The following GABBR2 variants were observed in gnomAD, a reference collection of about 807,000 sequenced individuals.
The protein encoded by GABBR2 is G-protein coupled receptor 51.
GABBR2 carries 23 observed loss-of-function variants against 105.6 expected under a neutral mutation model. The observed-to-expected ratio is 0.22, with a 90% CI of 0.16 to 0.31. GABBR2 has a LOEUF of 0.31. Ranked by LOEUF, GABBR2 falls within the 10% of genes least tolerant of loss-of-function variation. The pLI, the probability that GABBR2 is intolerant of heterozygous loss-of-function variation, is 1.00. For missense variants in GABBR2, 734 were observed against 1,245.5 expected (o/e 0.59, Z 6.18); for synonymous variants, 478 against 499.7 (o/e 0.96, Z 0.58).
chr9:98,441,800 A>C (rs1826035868), intron 7 of GABBR2, among the ~76,000 whole-genome samples: 1 of 152,256 alleles, frequency 6.6e-6, no homozygotes, highest in Admixed American at 6.5e-5. Flanking sequence ...AATGACTAAA[A>C]CAGTAAACAT....
At chr9:98,351,025 A>G (rs76459686) in intron 13 of GABBR2, among the ~76,000 whole-genome samples, 4,408 of 152,156 alleles carry the variant, frequency 0.029, 203 homozygotes, top group African/African-American at 0.1. Context: ...GACTTAAAGT[A>G]TATTTTGTTT....
intron 1 of GABBR2, chr9:98,608,058 G>C (rs1829454940): frequency 7.6e-7 from 1 of 1,307,404 alleles, no homozygotes; most frequent in Admixed American, 1.8e-5. Flanking sequence ...AAACTGGGAA[G>C]CTCAACAACG....
chr9:98,308,301 G>A (rs1830583113), intron 14 of GABBR2, among the ~76,000 whole-genome samples: 1 of 152,104 alleles, frequency 6.6e-6, no homozygotes, highest in Non-Finnish European at 1.5e-5. Flanking sequence ...AGTGTCAGGA[G>A]GAAACACAAA....
intron 9 of GABBR2, among the ~76,000 whole-genome samples, chr9:98,393,922 G>T (rs907294318): frequency 6.6e-6 from 1 of 152,206 alleles, no homozygotes; most frequent in Non-Finnish European, 1.5e-5. Flanking sequence ...CATTTAAAAA[G>T]AATTACTCCT....
chr9:98,310,710 G>C (rs907903740), intron 14 of GABBR2, among the ~76,000 whole-genome samples: 2 of 152,128 alleles, frequency 1.3e-5, no homozygotes, highest in African/African-American at 4.8e-5. Flanking sequence ...CTTAAGAGAG[G>C]GTCCGCTGAA....
At chr9:98,611,568 C>T (rs1471173599) in intron 1 of GABBR2, among the ~76,000 whole-genome samples, 1 of 152,228 alleles carries the variant, frequency 6.6e-6, no homozygotes, top group Non-Finnish European at 1.5e-5. Context: ...AGGCTAGCTG[C>T]TGACCCATAA....
intron 6 of GABBR2, among the ~76,000 whole-genome samples, chr9:98,466,140 C>G (rs952456055): frequency 6.6e-6 from 1 of 152,206 alleles, no homozygotes; most frequent in African/African-American, 2.4e-5. Context: ...GCTTCCTGTA[C>G]AGCCTGTGGA....
At chr9:98,359,233 G>C (rs901287870) in intron 13 of GABBR2, among the ~76,000 whole-genome samples, 1 of 151,982 alleles carries the variant, frequency 6.6e-6, no homozygotes, top group East Asian at 1.9e-4. Context: ...TTTGAGACCA[G>C]CCTGGACAAC....
At chr9:98,319,553 G>A (rs1830783488) in intron 13 of GABBR2, among the ~76,000 whole-genome samples, 1 of 151,794 alleles carries the variant, frequency 6.6e-6, no homozygotes, top group Non-Finnish European at 1.5e-5. Context: ...CTTTGGGGAT[G>A]CAGAGAGCAA....
chr9:98,697,742 A>G (rs1442535316), intron 1 of GABBR2, among the ~76,000 whole-genome samples: 1 of 152,228 alleles, frequency 6.6e-6, no homozygotes, highest in Admixed American at 6.5e-5. Flanking sequence ...CCCAGAGTCC[A>G]GGAAGGACCT....
At chr9:98,590,557 C>T (rs900927824) in intron 1 of GABBR2, among the ~76,000 whole-genome samples, 2 of 152,252 alleles carry the variant, frequency 1.3e-5, no homozygotes. Flanking sequence ...GTCAGGGTCA[C>T]AAACACAAAG....
chr9:98,660,541 G>C (rs1257800002), intron 1 of GABBR2, among the ~76,000 whole-genome samples: 1 of 152,198 alleles, frequency 6.6e-6, no homozygotes, highest in Non-Finnish European at 1.5e-5. Context: ...TTCCTACGGA[G>C]TCTGAGTTAG....
At chr9:98,573,639 C>T (rs1421782075) in intron 2 of GABBR2, among the ~76,000 whole-genome samples, 2 of 152,076 alleles carry the variant, frequency 1.3e-5, no homozygotes, top group Non-Finnish European at 2.9e-5. Context: ...TAAAATTTAC[C>T]ATCTTTACCA....
At chr9:98,389,076 T>C in intron 9 of GABBR2, 72 bp from the exon 10 acceptor site, 1 of 1,329,202 alleles carries the variant, frequency 7.5e-7, no homozygotes. Flanking sequence ...TGCCTTAGTG[T>C]CCCTGACATC....
Position 98,708,687 on chromosome 9 carries a change from TGGCGGCGGC to T in GABBR2, c.42_50del (p.Pro18_Pro20del), listed in dbSNP as rs751111546. 5.6e-6 allele frequency: 6 copies of T among 1,066,018 alleles called. No homozygotes were observed. The highest frequency in any genetic ancestry group is 3.4e-5 in the African/African-American group (2 of 58,188). 66.0% of individuals were successfully genotyped at this position (1,066,018 alleles called of 1,614,324 possible). ...GCAGTAGCAGGCGCGCGGGCGGCGG[TGGCGGCGGC>T]GGCGGCGGCCCGGGCTGCCCGGAGC... On this transcript the variant is annotated inframe_deletion, in exon 1 of 19. Transcript: ENST00000259455.
At chr9:98,357,682 A>AC (rs1831511396) in intron 13 of GABBR2, among the ~76,000 whole-genome samples, 1 of 48,878 alleles carries the variant, frequency 2.0e-5, no homozygotes. Flanking sequence ...AAACAACAAC[A>AC]AAAAAAAAAA....
At chr9:98,315,593 G>A (rs899805231) in intron 13 of GABBR2, among the ~76,000 whole-genome samples, 1 of 152,234 alleles carries the variant, frequency 6.6e-6, no homozygotes, top group African/African-American at 2.4e-5. Context: ...GCAGTGGTCT[G>A]TGCAGCCACA....
intron 7 of GABBR2, among the ~76,000 whole-genome samples, chr9:98,419,539 C>G (rs766484600): frequency 3.9e-5 from 6 of 152,156 alleles, no homozygotes; most frequent in Non-Finnish European, 7.3e-5. Context: ...GCGGAAGAAC[C>G]TCTCAAACAA....
intron 3 of GABBR2, among the ~76,000 whole-genome samples, chr9:98,501,276 T>C (rs962391736): frequency 7.9e-5 from 12 of 152,126 alleles, no homozygotes; most frequent in Non-Finnish European, 1.6e-4. Context: ...GCGATTCTCC[T>C]GCCTCAGCCT....
Sources: gnomAD v4.1 joint callset for allele counts (sites outside exome capture counted in the v4.1 genomes callset) on GRCh38, gnomAD v4.1.1 for gene constraint, MANE v1.5 for transcripts, NCBI Gene and HGNC (gene_info 2026-07-23, HGNC 2026-07-21) for gene names.